SMR3A: variants seen among roughly 807,000 people sequenced by gnomAD.
The protein encoded by SMR3A is submaxillary gland androgen-regulated protein 3A.
For synonymous variants in SMR3A, 48 were observed against 57.4 expected (o/e 0.84, Z 0.74); for missense variants, 188 against 163.0 (o/e 1.15, Z -0.84).
In SMR3A at chr4:70,366,941, T is replaced by C. The variant is rs772227743; in HGVS notation, c.352T>C (p.Phe118Leu). 5.0e-6 allele frequency: 8 copies of C among 1,613,364 alleles called. No homozygotes were observed. The Admixed American group carries it at 1.2e-4, about 24-fold the overall frequency. The change falls in exon 3 of 3, where the codon TTT becomes CTT. Residue 118 changes from phenylalanine (F) to leucine (L), a missense_variant. Coordinates refer to ENST00000226460, the MANE Select transcript of SMR3A (RefSeq NM_012390.4). ...QPRPYPPGPP[F>L]FPVNSPTDPA... ...AAGACCCTATCCACCTGGACCTCCA[T>C]TTTTCCCTGTAAATTCTCCAACTGA...
At chr4:70,364,989 G>A (rs1357143606) in intron 2 of SMR3A, among the ~76,000 whole-genome samples, 1 of 151,956 alleles carries the variant, frequency 6.6e-6, no homozygotes, top group Non-Finnish European at 1.5e-5. Flanking sequence ...AGAAGTGAAT[G>A]TAGTTTTGTG....
chr4:70,363,401 T>G (rs1459528476), intron 2 of SMR3A, among the ~76,000 whole-genome samples: 1 of 151,982 alleles, frequency 6.6e-6, no homozygotes, highest in Admixed American at 6.6e-5. Context: ...TGTTACCTTT[T>G]GAGTGTTTTC....
In SMR3A at chr4:70,366,650, G is replaced by A. The variant is rs1312221482; in HGVS notation, c.61G>A (p.Glu21Lys). The A allele has an allele frequency of 1.2e-6, 2 of 1,602,744 alleles. No individual in the cohort carries two copies. The highest frequency in any genetic ancestry group is 2.7e-5 in the African/African-American group (2 of 74,578). ...TACTTCTTTGTTTCCACAGCCTGGTGAGAGTCAAAGAGGCCCCAGGGGACC... is the reference window on the plus strand; with the variant it reads ...TACTTCTTTGTTTCCACAGCCTGGTAAGAGTCAAAGAGGCCCCAGGGGACC... ...WALAACFTPG[E>K]SQRGPRGPYP... The change falls in exon 3 of 3, where the codon GAG (glutamate) becomes AAG (lysine). Residue 21 changes from glutamate (E) to lysine (K), a missense_variant. Transcript: ENST00000226460.
chr4:70,363,549 G>C lies in SMR3A; in HGVS notation c.54+1380G>C, dbSNP rs1442617848. Among the ~76,000 whole-genome samples, 4 of 151,846 alleles carry C rather than the reference G, an allele frequency of 2.6e-5. 1 individual carries two copies. Among genetic ancestry groups the C allele is most frequent in the Admixed American group, 2.6e-4 (4 of 15,226 alleles). On this transcript the variant is annotated intron_variant, in intron 2 of 2. Coordinates refer to ENST00000226460, the MANE Select transcript of SMR3A (RefSeq NM_012390.4). The stretch of plus-strand genomic sequence containing the variant: ...TTATGCATGTCTTAGCTGGATTATT[G>C]CTAAATTGAATAATGTAGGAGATTA...
rs369797363 is a variant in SMR3A at position 70,363,688 on chromosome 4, G to A, written c.54+1519G>A. On this transcript the variant is annotated intron_variant, in intron 2 of 2. Transcript: ENST00000226460. ...AAAGGGAGCTTATCACTGCGATTGG[G>A]TTAAGAGAACAGGAAAAGAATAGAT... Among the ~76,000 whole-genome samples, 39 of 152,040 alleles carry A rather than the reference G, an allele frequency of 2.6e-4. 1 individual carries two copies. The highest frequency in any genetic ancestry group is 8.7e-4 in the African/African-American group (36 of 41,518).
At chr4:70,365,014 T>A (rs1206369039) in intron 2 of SMR3A, among the ~76,000 whole-genome samples, 1 of 152,014 alleles carries the variant, frequency 6.6e-6, no homozygotes, top group Non-Finnish European at 1.5e-5. Context: ...ATATAAACCA[T>A]CTGCTCCAAG....
intron 2 of SMR3A, 131 bp downstream of exon 2, chr4:70,362,300 T>C (rs1244347656): frequency 1.1e-5 from 17 of 1,489,422 alleles, no homozygotes; most frequent in Non-Finnish European, 1.5e-5. Flanking sequence ...GAAACACTGT[T>C]CTAGTGGTTA....
chr4:70,366,971 G>T lies in SMR3A; in HGVS notation c.382G>T (p.Ala128Ser), dbSNP rs767937697. The T allele has an allele frequency of 5.0e-6, 8 of 1,612,940 alleles. No homozygotes were observed. The highest frequency in any genetic ancestry group is 3.3e-5 in the Admixed American group (2 of 59,884). ...CCCTGTAAATTCTCCAACTGATCCTGCCCTCCCTACTCCTGCACCCTAAAT... is the reference window on the plus strand; with the variant it reads ...CCCTGTAAATTCTCCAACTGATCCTTCCCTCCCTACTCCTGCACCCTAAAT... ...FFPVNSPTDP[A>S]LPTPAP is the part of the protein sequence containing the mutation. The change falls in exon 3 of 3, where the codon GCC (alanine) becomes TCC (serine). Residue 128 changes from alanine (A) to serine (S), a missense_variant. Physicochemically the swap from Ala to Ser is moderately conservative, Grantham distance 99. Transcript: ENST00000226460.
At chr4:70,364,903 G>A (rs145169055) in intron 2 of SMR3A, among the ~76,000 whole-genome samples, 2 of 152,112 alleles carry the variant, frequency 1.3e-5, no homozygotes, top group South Asian at 2.1e-4. Context: ...GGAGAAAGAT[G>A]GTTTACCGTA....
chr4:70,367,026 A>G lies in SMR3A; in HGVS notation c.*32A>G. 6.4e-7 allele frequency: 1 copy of G among 1,558,646 alleles called. No homozygotes were observed. The highest frequency in any genetic ancestry group is 8.8e-7 in the Non-Finnish European group (1 of 1,132,962). On this transcript the variant is annotated 3_prime_UTR_variant, in exon 3 of 3. Coordinates refer to ENST00000226460, the MANE Select transcript of SMR3A (RefSeq NM_012390.4). ...ACAACTGCAACAGGTGCCACCACCC[A>G]CAAAAGACAACACTACCCTCGTAAC...
chr4:70,362,061 A>T lies in SMR3A; in HGVS notation c.-14-41A>T, dbSNP rs528202462. ...GACATTTTAAATAGTACTTTTTAATAAAAAACAATCATACTGATCACCTAT... is the reference window on the plus strand; with the variant it reads ...GACATTTTAAATAGTACTTTTTAATTAAAAACAATCATACTGATCACCTAT... On this transcript the variant is annotated intron_variant, in intron 1 of 2. Transcript: ENST00000226460. The T allele has an allele frequency of 7.5e-5, 121 of 1,608,794 alleles. 3 individuals are homozygous for T. The South Asian group carries it at 1.3e-3, about 17-fold the overall frequency.
rs368833417 is a variant in SMR3A at position 70,362,145 on chromosome 4, T to C, written c.30T>C (p.Leu10=). 92 of 1,611,832 alleles carry C rather than the reference T, an allele frequency of 5.7e-5. 2 individuals are homozygous for C. In the Middle Eastern group the frequency reaches 1.5e-3, roughly 26 times the overall value. The change falls in exon 2 of 3, where the codon CTT becomes CTC. Residue 10 remains leucine, a synonymous_variant. Transcript: ENST00000226460. ...AATCACTGACTTGGATCTTGGGCCT[T>C]TGGGCTCTTGCAGCGTGTTTCACAG... The part of the protein sequence containing the change: MKSLTWILG[L]WALAACFTPG...
chr4:70,366,747 C>G lies in SMR3A; in HGVS notation c.158C>G (p.Pro53Arg), dbSNP rs747330430. The G allele has an allele frequency of 1.2e-6, 2 of 1,612,390 alleles. No homozygotes were observed. Among genetic ancestry groups the G allele is most frequent in the East Asian group, 4.5e-5 (2 of 44,804 alleles). The change falls in exon 3 of 3, where the codon CCC becomes CGC. Residue 53 changes from proline to arginine, a missense_variant. Pro to Arg is a moderately radical substitution (Grantham distance 103, BLOSUM62 -2). Coordinates refer to ENST00000226460, the MANE Select transcript of SMR3A (RefSeq NM_012390.4). ...FPFGTGFVPP[P>R]HPPPYGPGRF... ...TTTGGAACAGGATTTGTTCCACCACCCCATCCTCCACCCTATGGTCCAGGG... is the reference window on the plus strand; with the variant it reads ...TTTGGAACAGGATTTGTTCCACCACGCCATCCTCCACCCTATGGTCCAGGG...
chr4:70,363,883 T>A (rs17148805), intron 2 of SMR3A, among the ~76,000 whole-genome samples: 7,690 of 152,064 alleles, frequency 0.051, 228 homozygotes, highest in African/African-American at 0.059. Context: ...ATCCTGAACT[T>A]CCACATAACC....
chr4:70,363,359 T>G (rs1732189132), intron 2 of SMR3A, among the ~76,000 whole-genome samples: 1 of 151,924 alleles, frequency 6.6e-6, no homozygotes, highest in Admixed American at 6.6e-5. Flanking sequence ...CATATACATA[T>G]TTGTAGATGG....
chr4:70,366,956 T>G lies in SMR3A; in HGVS notation c.367T>G (p.Ser123Ala), dbSNP rs762142853. ...PPGPPFFPVN[S>A]PTDPALPTPA... ...TGGACCTCCATTTTTCCCTGTAAAT[T>G]CTCCAACTGATCCTGCCCTCCCTAC... The change falls in exon 3 of 3, where the codon TCT becomes GCT. Residue 123 changes from serine to alanine, a missense_variant. Ser to Ala is a moderately conservative substitution (Grantham distance 99, BLOSUM62 1). Transcript: ENST00000226460. The G allele has an allele frequency of 6.2e-7, 1 of 1,613,378 alleles. No homozygotes were observed. Among genetic ancestry groups the G allele is most frequent in the Admixed American group, 1.7e-5 (1 of 59,930 alleles).
intron 1 of SMR3A, among the ~76,000 whole-genome samples, chr4:70,361,584 T>C (rs1181100144): frequency 1.3e-5 from 2 of 151,872 alleles, no homozygotes; most frequent in Admixed American, 1.3e-4. Flanking sequence ...ATAATATGAC[T>C]CTTTTTTTCT....
chr4:70,363,642 T>C (rs1560522338), intron 2 of SMR3A, among the ~76,000 whole-genome samples: 1 of 151,970 alleles, frequency 6.6e-6, no homozygotes, highest in Non-Finnish European at 1.5e-5. Context: ...ATTTTCATCA[T>C]TTTACTTTAG....
In SMR3A at chr4:70,367,105, T is replaced by TTAG; in HGVS notation, c.*112_*114dup. ...TTTCAACACTACTTCCAAGAGACTT[T>TTAG]TAGATAAAATCACTTCCATTTTTGG... On this transcript the variant is annotated 3_prime_UTR_variant, in exon 3 of 3. Coordinates refer to ENST00000226460, the MANE Select transcript of SMR3A (RefSeq NM_012390.4). The TTAG allele has an allele frequency of 1.1e-6, 1 of 905,160 alleles. No homozygotes were observed. Among genetic ancestry groups the TTAG allele is most frequent in the Non-Finnish European group, 1.7e-6 (1 of 597,012 alleles). The allele number at this position is 905,160 out of a possible 1,614,324, so 56.1% of individuals were successfully genotyped here.
Sources: allele counts gnomAD v4.1 joint callset (sites outside exome capture counted in the v4.1 genomes callset), GRCh38; gene constraint gnomAD v4.1.1; transcripts MANE v1.5; gene names NCBI Gene and HGNC (gene_info 2026-07-23, HGNC 2026-07-21).